SNX27: variants seen among roughly 807,000 people sequenced by gnomAD.
The protein encoded by SNX27 is sorting nexin 27.
In SNX27, 22 loss-of-function variants were observed where a neutral mutation model predicts 71.6. The observed-to-expected ratio is 0.31, with a 90% CI of 0.22 to 0.44. SNX27 has a LOEUF of 0.44. Among genes scored for constraint, SNX27 ranks in the 20% least tolerant of loss-of-function variants. SNX27 has a pLI of 1.00. For missense variants in SNX27, 531 were observed against 698.6 expected (o/e 0.76, Z 2.70); for synonymous variants, 269 against 277.2 (o/e 0.97, Z 0.29).
intron 8 of SNX27, among the ~76,000 whole-genome samples, chr1:151,689,377 A>G (rs1421159381): frequency 6.6e-6 from 1 of 152,160 alleles, no homozygotes; most frequent in Non-Finnish European, 1.5e-5. Flanking sequence ...AATGTCTTTT[A>G]TTTCCAGATG....
At chr1:151,652,261 G>C (rs911048351) in intron 2 of SNX27, among the ~76,000 whole-genome samples, 6 of 150,286 alleles carry the variant, frequency 4.0e-5, no homozygotes, top group African/African-American at 1.5e-4. Context: ...AGAGGGAGAG[G>C]GAGAGGAAAC....
intron 1 of SNX27, among the ~76,000 whole-genome samples, chr1:151,623,060 C>T (rs572190301): frequency 6.6e-6 from 1 of 152,060 alleles, no homozygotes; most frequent in Non-Finnish European, 1.5e-5. Flanking sequence ...GCAACCTCCC[C>T]CTCCCAGGTC....
At chr1:151,689,907 G>A (rs193294345) in intron 8 of SNX27, among the ~76,000 whole-genome samples, 17 of 152,054 alleles carry the variant, frequency 1.1e-4, no homozygotes, top group South Asian at 2.1e-4. Context: ...GGAGTGCGGT[G>A]GCACAATCCC....
In SNX27 at chr1:151,697,139, G is replaced by A. The variant is rs1214400877; in HGVS notation, c.*2722G>A. The A allele has an allele frequency of 1.3e-5, 2 of 152,174 alleles. No individual in the cohort carries two copies. The highest frequency in any genetic ancestry group is 2.4e-5 in the African/African-American group (1 of 41,436). The allele number at this position is 152,174 out of a possible 1,614,324, so 9.4% of individuals were successfully genotyped here. A position where few individuals can be genotyped will look rare whatever the true frequency, so the allele number is the denominator to read the frequency against. The stretch of plus-strand genomic sequence containing the variant: ...TCCCTAATTTGAAGACTTTGACACA[G>A]AACTAACTTCTTTTGACTTAAATGA... On this transcript the variant is annotated 3_prime_UTR_variant, in exon 12 of 12. Coordinates refer to ENST00000458013, the MANE Select transcript of SNX27 (RefSeq NM_001330723.2).
rs749266618 is a variant in SNX27, at chr1:151,662,184, G to A, written c.820G>A (p.Asp274Asn). The A allele has an allele frequency of 3.1e-6, 5 of 1,613,250 alleles. No individual in the cohort carries two copies. Among genetic ancestry groups the A allele is most frequent in the African/African-American group, 2.7e-5 (2 of 74,978 alleles). Reference protein sequence around the residue: ...ESDENYNGVSDVELRVALPDG... With the variant: ...ESDENYNGVSNVELRVALPDG... ...CCCCCAGAACTACAATGGTGTGTCCGACGTAGAGCTGAGAGTAGCATTACC... is the reference window on the plus strand; with the variant it reads ...CCCCCAGAACTACAATGGTGTGTCCAACGTAGAGCTGAGAGTAGCATTACC... Residue 274 changes from aspartate (D) to asparagine (N), a missense_variant, in exon 5 of 12, where the codon GAC (aspartate) becomes AAC (asparagine). Coordinates refer to ENST00000458013, the MANE Select transcript of SNX27 (RefSeq NM_001330723.2).
chr1:151,629,476 T>TAC (rs1459708920), intron 1 of SNX27: 1 of 20,554 alleles, frequency 4.9e-5, no homozygotes, highest in East Asian at 3.6e-4. Context: ...TATACATATA[T>TAC]ACGTATATAT....
At chr1:151,649,102 T>G (rs1669205593) in intron 2 of SNX27, among the ~76,000 whole-genome samples, 1 of 151,248 alleles carries the variant, frequency 6.6e-6, no homozygotes, top group African/African-American at 2.4e-5. Flanking sequence ...GCTGGGATTA[T>G]AGGCGCCCGC....
chr1:151,692,628 C>T, intron 9 of SNX27, 44 bp downstream of exon 9: 1 of 1,587,094 alleles, frequency 6.3e-7, no homozygotes, highest in Non-Finnish European at 8.6e-7. Flanking sequence ...ACTGGAGATA[C>T]TTTGATGCTC....
intron 4 of SNX27, 112 bp downstream of exon 4, chr1:151,660,974 A>G (rs1558059947): frequency 2.5e-6 from 2 of 784,584 alleles, no homozygotes; most frequent in African/African-American, 3.5e-5. Flanking sequence ...AAAGGACTCC[A>G]TTTTTTCTAC....
chr1:151,686,588 C>G (rs984676411), intron 8 of SNX27, among the ~76,000 whole-genome samples: 1 of 152,230 alleles, frequency 6.6e-6, no homozygotes, highest in African/African-American at 2.4e-5. Context: ...TGAAGAAAGG[C>G]TCATCAAAGT....
chr1:151,627,136 A>G (rs1667983187), intron 1 of SNX27, among the ~76,000 whole-genome samples: 1 of 152,178 alleles, frequency 6.6e-6, no homozygotes, highest in South Asian at 2.1e-4. Context: ...AACCCTCTGT[A>G]TTATATTAAA....
chr1:151,683,217 T>G (rs549423632), intron 7 of SNX27, 139 bp from the exon 8 acceptor site: 8 of 632,116 alleles, frequency 1.3e-5, no homozygotes, highest in African/African-American at 1.1e-4. Context: ...CCTGGACATG[T>G]GGCAGAGTTC....
intron 2 of SNX27, among the ~76,000 whole-genome samples, chr1:151,648,280 C>T (rs989004553): frequency 3.3e-5 from 5 of 152,120 alleles, no homozygotes; most frequent in African/African-American, 1.2e-4. Context: ...GTCTTGAACT[C>T]CTGAGCTCAA....
chr1:151,634,025 A>G (rs1030670393), intron 1 of SNX27, among the ~76,000 whole-genome samples: 1 of 151,018 alleles, frequency 6.6e-6, no homozygotes, highest in African/African-American at 2.4e-5. Context: ...TGGGTCTTGT[A>G]GTAAATGTAT....
intron 2 of SNX27, among the ~76,000 whole-genome samples, chr1:151,641,953 GAT>G (rs1161069327): frequency 2.7e-5 from 1 of 36,688 alleles, no homozygotes; most frequent in African/African-American, 6.6e-5. Context: ...ATCAGCTATA[GAT>G]ATATATGAGA....
intron 2 of SNX27, among the ~76,000 whole-genome samples, chr1:151,645,045 C>G (rs1253483061): frequency 1.3e-5 from 2 of 152,136 alleles, no homozygotes; most frequent in African/African-American, 4.8e-5. Context: ...GGTAATCCAC[C>G]CGCCTCGGCC....
chr1:151,672,181 G>C (rs972908964), intron 7 of SNX27, among the ~76,000 whole-genome samples: 5 of 152,048 alleles, frequency 3.3e-5, no homozygotes, highest in Admixed American at 3.3e-4. Flanking sequence ...TCTATACCCA[G>C]TTTTTTGAGG....
At chr1:151,617,028 T>C (rs528834636) in intron 1 of SNX27, among the ~76,000 whole-genome samples, 1 of 152,088 alleles carries the variant, frequency 6.6e-6, no homozygotes, top group East Asian at 1.9e-4. Flanking sequence ...ATATTGAGAG[T>C]AATGAGCTAA....
rs1558082689 is a variant in SNX27 at position 151,696,482 on chromosome 1, TTTCTTTCTTTCTTTCTTTCTTTCG to T, written c.*2073_*2096del. 3 of 121,360 alleles carry T rather than the reference TTTCTTTCTTTCTTTCTTTCTTTCG, an allele frequency of 2.5e-5. 1 individual carries two copies. The highest frequency in any genetic ancestry group is 3.5e-5 in the African/African-American group (1 of 28,798). 7.5% of individuals were successfully genotyped at this position (121,360 alleles called of 1,614,324 possible). On this transcript the variant is annotated 3_prime_UTR_variant, in exon 12 of 12. Transcript: ENST00000458013. ...CACTTTTTCTTTCTTTCTTTCTTTC[TTTCTTTCTTTCTTTCTTTCTTTCG>T]TTCTTTCGTTCTTTCGTTCTTTCTT...
Sources: gnomAD v4.1 joint callset for allele counts (sites outside exome capture counted in the v4.1 genomes callset) on GRCh38, gnomAD v4.1.1 for gene constraint, MANE v1.5 for transcripts, NCBI Gene and HGNC (gene_info 2026-07-23, HGNC 2026-07-21) for gene names.